The following IQANK1 variants were observed in gnomAD, a reference collection of about 807,000 sequenced individuals.
IQANK1 encodes the protein IQ motif and ankyrin repeat containing 1, also known as IQ motif and ankyrin repeat domain-containing protein 1.
IQANK1 carries 30 observed loss-of-function variants against 22.6 expected under a neutral mutation model. The observed-to-expected ratio is 1.33, with a 90% confidence interval of 0.99 to 1.80. IQANK1 has a LOEUF of 1.80. Among genes scored for constraint, IQANK1 ranks in the 40% most tolerant of loss-of-function variants. The probability of loss-of-function intolerance (pLI) is 0.00; values close to 1 mark genes in which losing one functional copy is unlikely to be tolerated. For synonymous variants in IQANK1, 122 were observed against 99.6 expected, an observed-to-expected ratio of 1.23 and a Z score of -1.34; for missense variants, 275 against 235.2, an observed-to-expected ratio of 1.17 and a Z score of -1.11.
At chr8:143,787,371 C>T (rs540485301) in intron 7 of IQANK1, among the ~76,000 whole-genome samples, 15 of 152,148 alleles carry the variant, frequency 9.9e-5, no homozygotes, top group East Asian at 1.9e-4. Context: ...GAGTTTACCA[C>T]GTGTCTGCAT....
chr8:143,772,196 C>G lies in IQANK1; in HGVS notation c.616C>G (p.Leu206Val), dbSNP rs1337862090. Reference sequence around the variant, plus strand: ...GGAGGCGGCCGCAGGCGGGCAGCCCCTGGCCATCCAGCTGCGGGCCGAGCT... The same window carrying G: ...GGAGGCGGCCGCAGGCGGGCAGCCCGTGGCCATCCAGCTGCGGGCCGAGCT... ...LSEAAAGGQPLAIQLRAELGA... is the reference protein window; with the variant it reads ...LSEAAAGGQPVAIQLRAELGA... Residue 206 changes from leucine (L) to valine (V), a missense_variant, in exon 6 of 14, where the codon CTG becomes GTG. Physicochemically the swap from Leu to Val is conservative, Grantham distance 32. Transcript: ENST00000527139. The G allele has an allele frequency of 2.5e-6, 1 of 394,084 alleles. No homozygotes were observed. The highest frequency in any genetic ancestry group is 2.1e-5 in the African/African-American group (1 of 48,366). The allele number at this position is 394,084 out of a possible 1,614,324, so 24.4% of individuals were successfully genotyped here. A position where few individuals can be genotyped will look rare whatever the true frequency, so the allele number is the denominator to read the frequency against.
intron 3 of IQANK1, among the ~76,000 whole-genome samples, chr8:143,740,332 C>G (rs534116410): frequency 1.3e-5 from 2 of 152,290 alleles, no homozygotes; most frequent in Admixed American, 6.5e-5. Context: ...GGAAACGGGG[C>G]CCTGCGCGTC....
intron 3 of IQANK1, chr8:143,744,483 G>A (rs1433034742): frequency 6.6e-6 from 1 of 152,208 alleles, no homozygotes; most frequent in Non-Finnish European, 1.5e-5. Context: ...AAGTACAGAG[G>A]CTATGTTGGT....
At chr8:143,750,963 TG>T (rs1819176867) in intron 3 of IQANK1, among the ~76,000 whole-genome samples, 2 of 148,940 alleles carry the variant, frequency 1.3e-5, no homozygotes, top group Non-Finnish European at 2.9e-5. Context: ...TGTGTGTGTG[TG>T]TGTTTTTTTG....
At position 143,763,174 on chromosome 8, in the gene IQANK1, C is replaced by T. The variant is rs375896389; in HGVS notation, c.176-8314C>T. Reference sequence around the variant, plus strand: ...GGGATTACAGGCGCCCGCCACCACGCCTGGCTAATTTTTGTATTTTTATTA... The same window carrying T: ...GGGATTACAGGCGCCCGCCACCACGTCTGGCTAATTTTTGTATTTTTATTA... On this transcript the variant is annotated intron_variant, in intron 3 of 13. Transcript: ENST00000527139. 2.5e-4 allele frequency among the ~76,000 whole-genome samples: 38 copies of T among 152,204 alleles called. No homozygotes were observed. In the East Asian group the frequency reaches 6.8e-3, roughly 27 times the overall value.
intron 7 of IQANK1, among the ~76,000 whole-genome samples, chr8:143,783,979 A>G (rs1166490501): frequency 6.6e-6 from 1 of 152,208 alleles, no homozygotes; most frequent in African/African-American, 2.4e-5. Context: ...CAGCAGCTTT[A>G]TAACAAGTCT....
intron 3 of IQANK1, among the ~76,000 whole-genome samples, chr8:143,757,744 G>T (rs1285157094): frequency 6.6e-6 from 1 of 152,060 alleles, no homozygotes; most frequent in Admixed American, 6.6e-5. Flanking sequence ...GAACTCCTGG[G>T]CTCAAGCAAT....
In IQANK1 at chr8:143,735,965, C is replaced by T. The variant is rs1554625615; in HGVS notation, c.85+27C>T. Reference sequence around the variant, plus strand: ...TAAGTGCACCCTCTGACCTCCAGAGCACTGTCACCCAGACACTGACCTGTG... The same window carrying T: ...TAAGTGCACCCTCTGACCTCCAGAGTACTGTCACCCAGACACTGACCTGTG... On this transcript the variant is annotated intron_variant, in intron 2 of 13. Transcript: ENST00000527139. This position sits in a 1 kb window ranked among gnomAD's most constrained non-coding sequence, Gnocchi z 5.2. 1.4e-6 allele frequency: 1 copy of T among 702,478 alleles called. No individual in the cohort carries two copies. The highest frequency in any genetic ancestry group is 2.0e-5 in the Admixed American group (1 of 50,000). The allele number at this position is 702,478 out of a possible 1,614,324, so 43.5% of individuals were successfully genotyped here. A position where few individuals can be genotyped will look rare whatever the true frequency, so the allele number is the denominator to read the frequency against.
chr8:143,772,212 G>C lies in IQANK1; in HGVS notation c.632G>C (p.Arg211Pro). The C allele has an allele frequency of 2.5e-6, 1 of 394,586 alleles. No individual in the cohort carries two copies. Among genetic ancestry groups the C allele is most frequent in the Non-Finnish European group, 4.5e-6 (1 of 223,458 alleles). The allele number at this position is 394,586 out of a possible 1,614,324, so 24.4% of individuals were successfully genotyped here. The change falls in exon 6 of 14, where the codon CGG (arginine) becomes CCG (proline). Residue 211 changes from arginine to proline, a missense_variant. Arg to Pro is a moderately radical substitution (Grantham distance 103). Coordinates refer to ENST00000527139, the MANE Select transcript of IQANK1 (RefSeq NM_001381874.1). ...AGGQPLAIQL[R>P]AELGASPNSK... Reference sequence around the variant, plus strand: ...GGGCAGCCCCTGGCCATCCAGCTGCGGGCCGAGCTCGGCGCCAGCCCCAAC... The same window carrying C: ...GGGCAGCCCCTGGCCATCCAGCTGCCGGCCGAGCTCGGCGCCAGCCCCAAC...
At chr8:143,779,839 C>A (rs1284233180) in intron 7 of IQANK1, among the ~76,000 whole-genome samples, 1 of 152,168 alleles carries the variant, frequency 6.6e-6, no homozygotes, top group Non-Finnish European at 1.5e-5. Context: ...GAAATGGTAG[C>A]TATTATTATT....
intron 3 of IQANK1, among the ~76,000 whole-genome samples, chr8:143,760,663 C>G (rs989854429): frequency 6.6e-6 from 1 of 152,268 alleles, no homozygotes; most frequent in East Asian, 1.9e-4. Flanking sequence ...GCCTGGGCGA[C>G]AGAGGGAGAC....
intron 3 of IQANK1, among the ~76,000 whole-genome samples, chr8:143,749,309 TA>T (rs1411930660): frequency 1.9e-5 from 2 of 107,424 alleles, no homozygotes; most frequent in African/African-American, 7.8e-5. Context: ...TATAAAAATA[TA>T]AAAATATATA....
At chr8:143,778,351 T>C (rs1338255383) in intron 7 of IQANK1, among the ~76,000 whole-genome samples, 1 of 152,206 alleles carries the variant, frequency 6.6e-6, no homozygotes, top group Non-Finnish European at 1.5e-5. Flanking sequence ...AACAGGATGC[T>C]GAAGTAACTG....
In IQANK1 at chr8:143,739,943, C is replaced by T; in HGVS notation, c.170C>T (p.Pro57Leu). The T allele has an allele frequency of 2.9e-6, 2 of 696,282 alleles. No individual in the cohort carries two copies. Among genetic ancestry groups the T allele is most frequent in the Non-Finnish European group, 5.2e-6 (2 of 381,724 alleles). The allele number at this position is 696,282 out of a possible 1,614,324, so 43.1% of individuals were successfully genotyped here. Residue 57 changes from proline to leucine, a missense_variant, in exon 3 of 14, where the codon CCC (proline) becomes CTC (leucine). Transcript: ENST00000527139. ...EPASAESPQA[P>L]TGPAEDRAAR... ...GCGTCGGCTGAGAGCCCACAGGCCC[C>T]CACAGGTGAGAGCCCGCACGTCCCG... is the stretch of plus-strand genomic sequence containing the variant.
At chr8:143,764,478 G>C (rs1185176649) in intron 3 of IQANK1, among the ~76,000 whole-genome samples, 1 of 150,260 alleles carries the variant, frequency 6.7e-6, no homozygotes, top group Non-Finnish European at 1.5e-5. Context: ...ATTAGTGCCT[G>C]TAGTCCCAGC....
chr8:143,736,141 A>AT (rs555506417), intron 2 of IQANK1, among the ~76,000 whole-genome samples: 28,376 of 136,990 alleles, frequency 0.21, 3,250 homozygotes, highest in East Asian at 0.5. Flanking sequence ...GCCTGAATCT[A>AT]TTTTTTTTTT....
intron 7 of IQANK1, among the ~76,000 whole-genome samples, chr8:143,781,035 G>A (rs1014273332): frequency 1.3e-5 from 2 of 152,128 alleles, no homozygotes; most frequent in Non-Finnish European, 2.9e-5. Context: ...GTATGAGATG[G>A]TGTATCCTCA....
intron 7 of IQANK1, among the ~76,000 whole-genome samples, chr8:143,785,456 A>C (rs1819868435): frequency 6.6e-6 from 1 of 151,980 alleles, no homozygotes; most frequent in African/African-American, 2.4e-5. Flanking sequence ...GGGTTTTGCC[A>C]TGTTGGCTAG....
Position 143,789,538 on chromosome 8 carries a change from C to T in IQANK1, c.1086+10C>T, listed in dbSNP as rs532854413. 26 of 1,232,110 alleles carry T rather than the reference C, an allele frequency of 2.1e-5. No homozygotes were observed. The highest frequency in any genetic ancestry group is 1.5e-5 in the African/African-American group (1 of 64,530). 76.3% of individuals were successfully genotyped at this position (1,232,110 alleles called of 1,614,324 possible). On this transcript the variant is annotated intron_variant, in intron 10 of 13. Transcript: ENST00000527139. Reference sequence around the variant, plus strand: ...CAAGCTCACGCTGCAGGTGGGGGCCCGTGGTGGACTTGATATGCCCCTGCG... The same window carrying T: ...CAAGCTCACGCTGCAGGTGGGGGCCTGTGGTGGACTTGATATGCCCCTGCG...
Sources: allele counts gnomAD v4.1 joint callset (sites outside exome capture counted in the v4.1 genomes callset), GRCh38; gene constraint gnomAD v4.1.1; non-coding constraint Gnocchi (gnomAD v3.1); transcripts MANE v1.5; gene names NCBI Gene and HGNC (gene_info 2026-07-23, HGNC 2026-07-21).